The following UBE4A variants were observed in gnomAD, a reference collection of about 807,000 sequenced individuals.
UBE4A encodes ubiquitin conjugation factor E4 A.
Under a neutral mutation model 117.9 loss-of-function variants are expected in UBE4A, and 48 were observed. That is an observed-to-expected ratio of 0.41 (90% confidence interval 0.32 to 0.52). UBE4A has a LOEUF of 0.52. Among genes scored for constraint, UBE4A ranks in the 20% least tolerant of loss-of-function variants. The probability of loss-of-function intolerance (pLI) is 0.33; values close to 1 mark genes in which losing one functional copy is unlikely to be tolerated. For missense variants in UBE4A, 1,067 were observed against 1,296.3 expected (o/e 0.82, Z 2.72); for synonymous variants, 407 against 450.0 (o/e 0.90, Z 1.21).
intron 12 of UBE4A, among the ~76,000 whole-genome samples, 156 bp from the exon 13 acceptor site, chr11:118,382,433 G>A (rs1184405565): frequency 2.5e-5 from 3 of 120,004 alleles, no homozygotes; most frequent in Non-Finnish European, 4.9e-5. Flanking sequence ...CCGCCCAGCC[G>A]CACCAAGAAA....
At position 118,369,356 on chromosome 11, in the gene UBE4A, C is replaced by G; in HGVS notation, c.296-67C>G. ...ATTTGCAGTTCAAGAGTGATGCTGT[C>G]AAGATCAGTTGTCTGTATAAAACAG... is the stretch of plus-strand genomic sequence containing the variant. On this transcript the variant is annotated intron_variant, in intron 3 of 19. Transcript: ENST00000252108. 2.6e-6 allele frequency: 3 copies of G among 1,166,180 alleles called. No individual in the cohort carries two copies. In the Admixed American group the frequency reaches 5.6e-5, roughly 22 times the overall value. The allele number at this position is 1,166,180 out of a possible 1,614,324, so 72.2% of individuals were successfully genotyped here.
intron 18 of UBE4A, 76 bp downstream of exon 18, chr11:118,390,880 T>C: frequency 6.5e-7 from 1 of 1,549,002 alleles, no homozygotes; most frequent in Non-Finnish European, 8.8e-7. Flanking sequence ...CTCAAGCCTG[T>C]AGTCCCAGCT....
intron 16 of UBE4A, among the ~76,000 whole-genome samples, chr11:118,388,164 A>C (rs551164502): frequency 1.1e-3 from 174 of 152,262 alleles, no homozygotes; most frequent in African/African-American, 4.1e-3. Context: ...AAACTAAATT[A>C]TTTAAGCAAA....
intron 13 of UBE4A, among the ~76,000 whole-genome samples, chr11:118,383,356 G>C (rs1385205206): frequency 6.6e-6 from 1 of 151,976 alleles, no homozygotes; most frequent in Non-Finnish European, 1.5e-5. Context: ...CGTTTTGGGA[G>C]GCCAAAGTAG....
At position 118,372,594 on chromosome 11, in the gene UBE4A, C is replaced by G. The variant is rs760879787; in HGVS notation, c.649C>G (p.Pro217Ala). 1.2e-6 allele frequency: 2 copies of G among 1,614,000 alleles called. No individual in the cohort carries two copies. The highest frequency in any genetic ancestry group is 1.1e-5 in the South Asian group (1 of 91,090). ...CAATACCCGAACAGTTCTTCTCACC[C>G]CAGAGATCTATGTTGACCAAAACAT... ...VSNTRTVLLT[P>A]EIYVDQNIHE... Residue 217 changes from proline to alanine, a missense_variant, in exon 6 of 20, where the codon CCA becomes GCA. This residue lies in a region of UBE4A where 1,001 missense variants were observed against 1,184.0 expected (regional missense o/e 0.85). Transcript: ENST00000252108.
At chr11:118,374,226 C>T (rs1288623319) in intron 8 of UBE4A, among the ~76,000 whole-genome samples, 3 of 152,264 alleles carry the variant, frequency 2.0e-5, no homozygotes, top group East Asian at 3.9e-4. Flanking sequence ...GCTACTTCTC[C>T]CCAACCCTCA....
At chr11:118,373,316 G>T in intron 7 of UBE4A, 28 bp downstream of exon 7, 1 of 1,606,808 alleles carries the variant, frequency 6.2e-7, no homozygotes, top group Non-Finnish European at 8.5e-7. Context: ...TATGTATTCA[G>T]TTGAGCTAGA....
intron 1 of UBE4A, among the ~76,000 whole-genome samples, chr11:118,364,091 T>A (rs1948544080): frequency 6.6e-6 from 1 of 152,116 alleles, no homozygotes; most frequent in South Asian, 2.1e-4. Context: ...CTTTGTCTCT[T>A]CCCACCCTTT....
Position 118,379,636 on chromosome 11 carries a change from CAG to C in UBE4A, c.1763_1764del (p.Gln588ArgfsTer15). Reference protein sequence around the residue: ...PQMLQNCLNLQVSMAVLLVQL... With the variant: ...PQMLQNCLNLXVSMAVLLVQL... ...AATGCTACAAAACTGCCTAAACTTG[CAG>C]GTGTCCATGGCTGTTCTACTGGTTC... On this transcript the variant is annotated frameshift_variant, in exon 11 of 20. Coordinates refer to ENST00000252108, the MANE Select transcript of UBE4A (RefSeq NM_001204077.2). LOFTEE classifies it high-confidence loss of function. 1 of 1,614,224 alleles carries C rather than the reference CAG, an allele frequency of 6.2e-7. No homozygotes were observed. Among genetic ancestry groups the C allele is most frequent in the Non-Finnish European group, 8.5e-7 (1 of 1,180,034 alleles).
intron 11 of UBE4A, among the ~76,000 whole-genome samples, chr11:118,380,063 G>A (rs1176935177): frequency 6.6e-6 from 1 of 151,394 alleles, no homozygotes; most frequent in African/African-American, 2.4e-5. Context: ...AACTTTCCCT[G>A]TCCTTTTTGT....
At position 118,396,546 on chromosome 11, in the gene UBE4A, T is replaced by TA; in HGVS notation, c.*106_*107insA. 1.8e-4 allele frequency: 228 copies of TA among 1,264,194 alleles called. No individual in the cohort carries two copies. Among genetic ancestry groups the TA allele is most frequent in the Non-Finnish European group, 2.1e-4 (204 of 951,308 alleles). The allele number at this position is 1,264,194 out of a possible 1,614,324, so 78.3% of individuals were successfully genotyped here. ...TTCCTTTTCTTTCTTCTTTTCTTTT[T>TA]CTTTTTTTTTTTTTTTTTTACTAAA... On this transcript the variant is annotated 3_prime_UTR_variant, in exon 20 of 20. Transcript: ENST00000252108.
intron 7 of UBE4A, 29 bp downstream of exon 7, chr11:118,373,317 T>A (rs1451617673): frequency 6.2e-7 from 1 of 1,606,110 alleles, no homozygotes; most frequent in South Asian, 1.1e-5. Flanking sequence ...ATGTATTCAG[T>A]TGAGCTAGAT....
chr11:118,386,303 T>C, intron 15 of UBE4A, 135 bp from the exon 16 acceptor site: 1 of 948,980 alleles, frequency 1.1e-6, no homozygotes, highest in Non-Finnish European at 1.5e-6. Context: ...TGCTGAGAAA[T>C]AAAGGCTCAT....
intron 3 of UBE4A, 90 bp from the exon 4 acceptor site, chr11:118,369,333 T>C (rs529169310): frequency 2.4e-6 from 2 of 849,504 alleles, no homozygotes; most frequent in East Asian, 5.1e-5. Context: ...TGAGTCAGAT[T>C]TGCAGTTCAA....
Position 118,379,561 on chromosome 11 carries a change from C to T in UBE4A, c.1687C>T (p.Arg563Ter), listed in dbSNP as rs1555125936. ...TGACAATCTTCGTGAGCAGTTTGAACGACTGATGACCATCTATCTTTCTAC... is the reference window on the plus strand; with the variant it reads ...TGACAATCTTCGTGAGCAGTTTGAATGACTGATGACCATCTATCTTTCTAC... The part of the protein sequence containing the change: ...AADNLREQFE[R>*]LMTIYLSTKT... The change falls in exon 11 of 20, where the codon CGA becomes TGA. Residue 563 changes from arginine (R) to a stop codon, truncating the protein, a stop_gained. Transcript: ENST00000252108. LOFTEE classifies it high-confidence loss of function. 1 of 1,614,208 alleles carries T rather than the reference C, an allele frequency of 6.2e-7. No individual in the cohort carries two copies.
rs782710821 is a variant in UBE4A, at chr11:118,381,458, G to A, written c.1944G>A (p.Glu648=). The A allele has an allele frequency of 6.8e-6, 11 of 1,614,120 alleles. No individual in the cohort carries two copies. In the South Asian group the frequency reaches 1.2e-4, roughly 18 times the overall value. Residue 648 remains glutamate (E), a synonymous_variant, in exon 12 of 20, where the codon GAG becomes GAA. Coordinates refer to ENST00000252108, the MANE Select transcript of UBE4A (RefSeq NM_001204077.2). The part of the protein sequence containing the change: ...FLRRFADDIL[E]TSADSLEHVL... ...GCCGCTTTGCCGATGACATTTTGGA[G>A]ACATCAGCAGATTCCCTGGAGCATG...
Position 118,384,849 on chromosome 11 carries a change from C to G in UBE4A, c.2316C>G (p.Ala772=). The G allele has an allele frequency of 6.2e-7, 1 of 1,613,440 alleles. No homozygotes were observed. Among genetic ancestry groups the G allele is most frequent in the East Asian group, 2.2e-5 (1 of 44,862 alleles). ...RESIKDLADY[A]SKNLEAMNPP... is the part of the protein sequence containing the mutation. ...ACTTACAGGATTTGGCTGACTATGC[C>G]TCTAAGAATTTAGAAGCCATGAATC... The change falls in exon 15 of 20, where the codon GCC becomes GCG. Residue 772 remains alanine, a synonymous_variant. Transcript: ENST00000252108.
In UBE4A at chr11:118,373,523, C is replaced by T. The variant is rs1948626357; in HGVS notation, c.954C>T (p.Asp318=). ...KVFVEYIQPK[D]PTNGQMYQKT... ...TTGTAGAATACATTCAGCCCAAGGA[C>T]CCTACCAATGGGCAAATGTACCAGA... The change falls in exon 8 of 20, where the codon GAC becomes GAT. Residue 318 remains aspartate, a synonymous_variant. Transcript: ENST00000252108. 1 of 1,614,080 alleles carries T rather than the reference C, an allele frequency of 6.2e-7. No homozygotes were observed. The highest frequency in any genetic ancestry group is 1.1e-5 in the South Asian group (1 of 91,078).
chr11:118,392,735 C>CA lies in UBE4A; in HGVS notation c.2917-2dup. The CA allele has an allele frequency of 6.2e-7, 1 of 1,613,174 alleles. No homozygotes were observed. The highest frequency in any genetic ancestry group is 8.5e-7 in the Non-Finnish European group (1 of 1,179,548). On this transcript the variant is annotated splice_polypyrimidine_tract_variant and splice_region_variant and intron_variant, in intron 18 of 19. Coordinates refer to ENST00000252108, the MANE Select transcript of UBE4A (RefSeq NM_001204077.2). ...CTTTAACTACCAGATGTTGTATACTCAGTCTCTTGCAGACCTCCAACAACA... is the reference window on the plus strand; with the variant it reads ...CTTTAACTACCAGATGTTGTATACTCAAGTCTCTTGCAGACCTCCAACAACA...
Sources: gnomAD v4.1 joint callset for allele counts (sites outside exome capture counted in the v4.1 genomes callset) on GRCh38, gnomAD v4.1.1 for gene constraint, gnomAD v4.1.1 regional missense constraint, MANE v1.5 for transcripts, NCBI Gene and HGNC (gene_info 2026-07-23, HGNC 2026-07-21) for gene names.